MYO10: variants seen among roughly 807,000 people sequenced by gnomAD.
MYO10 encodes myosin X, also known as unconventional myosin-X.
MYO10 carries 133 observed loss-of-function variants against 257.3 expected under a neutral mutation model. The observed-to-expected ratio is 0.52, with a 90% CI of 0.45 to 0.60. MYO10 has a LOEUF of 0.60. Among genes scored for constraint, MYO10 ranks in the 20% least tolerant of loss-of-function variants. The pLI is 0.00. For missense variants in MYO10, 2,399 were observed against 2,635.7 expected (o/e 0.91, Z 1.97); for synonymous variants, 1,104 against 1,028.6 (o/e 1.07, Z -1.40).
intron 10 of MYO10, among the ~76,000 whole-genome samples, chr5:16,768,390 C>CAA (rs528569334): frequency 1.2e-4 from 19 of 152,154 alleles, no homozygotes; most frequent in African/African-American, 4.3e-4. Context: ...TACTGGCTTG[C>CAA]AAAACAAAGG....
Position 16,685,362 on chromosome 5 carries a change from T to C in MYO10, c.3990+376A>G, listed in dbSNP as rs555351905. 6.6e-5 allele frequency among the ~76,000 whole-genome samples: 10 copies of C among 151,972 alleles called. No individual in the cohort carries two copies. In the South Asian group the frequency reaches 1.9e-3, roughly 29 times the overall value. On this transcript the variant is annotated intron_variant, in intron 29 of 40. Transcript: ENST00000513610. Reference sequence around the variant, plus strand: ...AGTAGCTGGGACTACAGGCCCATAATACCATGCCTGGATAATTTTTAATTT... The same window carrying C: ...AGTAGCTGGGACTACAGGCCCATAACACCATGCCTGGATAATTTTTAATTT...
At chr5:16,764,646 G>T (rs551888037) in intron 11 of MYO10, among the ~76,000 whole-genome samples, 10 of 152,270 alleles carry the variant, frequency 6.6e-5, no homozygotes, top group Admixed American at 2.0e-4. Flanking sequence ...TTATACAAAA[G>T]AATCTAAACC....
At chr5:16,711,675 G>A (rs372140414) in intron 19 of MYO10, among the ~76,000 whole-genome samples, 2 of 152,064 alleles carry the variant, frequency 1.3e-5, no homozygotes, top group Admixed American at 6.5e-5. Flanking sequence ...CCAGCTACTC[G>A]GGAGGCTGAG....
At chr5:16,796,210 A>G (rs1378330442) in intron 3 of MYO10, among the ~76,000 whole-genome samples, 2 of 41,070 alleles carry the variant, frequency 4.9e-5, no homozygotes, top group East Asian at 1.3e-3. Flanking sequence ...AAAAGAAAGA[A>G]CAGAGAGAGA....
chr5:16,811,149 G>A (rs1215167019), intron 3 of MYO10, among the ~76,000 whole-genome samples: 1 of 107,766 alleles, frequency 9.3e-6, no homozygotes, highest in African/African-American at 3.9e-5. Flanking sequence ...CTTTCCAGGT[G>A]AGCTGATGGT....
intron 9 of MYO10, among the ~76,000 whole-genome samples, chr5:16,773,648 T>A (rs1579975454): frequency 2.3e-5 from 3 of 132,978 alleles, no homozygotes; most frequent in African/African-American, 8.3e-5. Flanking sequence ...GGCAACAGAG[T>A]GAGACCTTGT....
chr5:16,766,770 CTTTTTTTTTTT>C (rs575636664), intron 10 of MYO10, among the ~76,000 whole-genome samples: 1 of 127,400 alleles, frequency 7.8e-6, no homozygotes, highest in Non-Finnish European at 1.6e-5. Flanking sequence ...CACCTACTTT[CTTTTTTTTTTT>C]TTTTTTGAGA....
intron 1 of MYO10, among the ~76,000 whole-genome samples, chr5:16,899,637 AAAAAAC>A (rs1379843109): frequency 6.6e-6 from 1 of 151,772 alleles, no homozygotes; most frequent in Non-Finnish European, 1.5e-5. Flanking sequence ...TCAAAAAAAA[AAAAAAC>A]AAAAAACAAT....
rs1383416959 is a variant in MYO10, at chr5:16,704,604, C to A, written c.2251G>T (p.Ala751Ser). 1 of 1,613,920 alleles carries A rather than the reference C, an allele frequency of 6.2e-7. No homozygotes were observed. The highest frequency in any genetic ancestry group is 8.5e-7 in the Non-Finnish European group (1 of 1,179,884). Reference sequence around the variant, plus strand: ...CGTGCTAAGAAGCCCAAGACATGGGCCCGAATCACCATGGCCGCGTGGCTC... The same window carrying A: ...CGTGCTAAGAAGCCCAAGACATGGGACCGAATCACCATGGCCGCGTGGCTC... ...EVSHAAMVIR[A>S]HVLGFLARKQ... is the part of the protein sequence containing the mutation. Residue 751 changes from alanine to serine, a missense_variant, in exon 22 of 41, where the codon GCC (alanine) becomes TCC (serine). By Grantham distance (99) the Ala-to-Ser change is moderately conservative (BLOSUM62 1). Coordinates refer to ENST00000513610, the MANE Select transcript of MYO10 (RefSeq NM_012334.3).
At position 16,662,601 on chromosome 5, in the gene MYO10, CG is replaced by C. The variant is rs1409681502; in HGVS notation, c.*4090del. On this transcript the variant is annotated 3_prime_UTR_variant, in exon 41 of 41. Transcript: ENST00000513610. ...CCTTCCAACATGCTGGGATTACAGG[CG>C]TGAGCCAGCATGCCTGGCTGAAACT... 6.6e-6 allele frequency: 1 copy of C among 152,026 alleles called. No homozygotes were observed. The highest frequency in any genetic ancestry group is 1.5e-5 in the Non-Finnish European group (1 of 68,076). The allele number at this position is 152,026 out of a possible 1,614,324, so 9.4% of individuals were successfully genotyped here.
rs1736131155 is a variant in MYO10 at position 16,665,660 on chromosome 5, G to GTAATC, written c.*1027_*1031dup. 6.6e-6 allele frequency: 1 copy of GTAATC among 152,494 alleles called. No homozygotes were observed. The highest frequency in any genetic ancestry group is 2.4e-5 in the African/African-American group (1 of 41,546). The allele number at this position is 152,494 out of a possible 1,614,324, so 9.4% of individuals were successfully genotyped here. ...CATAGTCAACATGGTTATTATATCT[G>GTAATC]TAATCTATCCAGAATGATAGAAGCT... is the stretch of plus-strand genomic sequence containing the variant. On this transcript the variant is annotated 3_prime_UTR_variant, in exon 41 of 41. Coordinates refer to ENST00000513610, the MANE Select transcript of MYO10 (RefSeq NM_012334.3).
At chr5:16,679,066 A>T (rs1212125524) in intron 33 of MYO10, among the ~76,000 whole-genome samples, 1 of 152,220 alleles carries the variant, frequency 6.6e-6, no homozygotes, top group Non-Finnish European at 1.5e-5. Flanking sequence ...GACTACACGT[A>T]CTTATAAACA....
In MYO10 at chr5:16,794,649, A is replaced by G; in HGVS notation, c.464T>C (p.Ile155Thr). 1 of 1,607,888 alleles carries G rather than the reference A, an allele frequency of 6.2e-7. No homozygotes were observed. Among genetic ancestry groups the G allele is most frequent in the Non-Finnish European group, 8.5e-7 (1 of 1,177,012 alleles). The change falls in exon 4 of 41, where the codon ATC becomes ACC. Residue 155 changes from isoleucine (I) to threonine (T), a missense_variant. Transcript: ENST00000513610. Reference sequence around the variant, plus strand: ...GACTGGCTGTGAGCCCCGTTACCTGATGAGGATGCACTGGTTGTCGTGGCG... The same window carrying G: ...GACTGGCTGTGAGCCCCGTTACCTGGTGAGGATGCACTGGTTGTCGTGGCG... ...WKRHDNQCIL[I>T]SGESGAGKTE... is the part of the protein sequence containing the mutation.
chr5:16,766,172 C>G lies in MYO10; in HGVS notation c.1087G>C (p.Gly363Arg), dbSNP rs763646655. The G allele has an allele frequency of 2.5e-6, 4 of 1,613,668 alleles. No homozygotes were observed. The highest frequency in any genetic ancestry group is 1.7e-6 in the Non-Finnish European group (2 of 1,179,744). ...TALGRSAELL[G>R]LDPTQLTDAL... ...TCTGTGAGCTGTGTTGGGTCCAGCC[C>G]AAGTAACTCCGCAGATCTGCCCAAA... Residue 363 changes from glycine (G) to arginine (R), a missense_variant, in exon 11 of 41, where the codon GGG becomes CGG. This residue lies in a region of MYO10 where 337 missense variants were observed against 446.8 expected (regional missense o/e 0.75). Coordinates refer to ENST00000513610, the MANE Select transcript of MYO10 (RefSeq NM_012334.3).
chr5:16,682,323 T>C (rs975509742), intron 30 of MYO10, among the ~76,000 whole-genome samples: 1 of 151,588 alleles, frequency 6.6e-6, no homozygotes, highest in African/African-American at 2.4e-5. Flanking sequence ...TGAGGGAAAA[T>C]TTTTTTTTGA....
chr5:16,758,154 G>A lies in MYO10; in HGVS notation c.1812C>T (p.Ser604=), dbSNP rs749276491. The part of the protein sequence containing the change: ...RNNQDTLKCG[S]KHRRPTVSSQ... Reference sequence around the variant, plus strand: ...AGCTGACTGTAGGCCGCCGATGTTTGCTTCCACATTTCAAGGTATCCTGGT... The same window carrying A: ...AGCTGACTGTAGGCCGCCGATGTTTACTTCCACATTTCAAGGTATCCTGGT... The change falls in exon 18 of 41, where the codon AGC becomes AGT. Residue 604 remains serine, a synonymous_variant. Coordinates refer to ENST00000513610, the MANE Select transcript of MYO10 (RefSeq NM_012334.3). The A allele has an allele frequency of 4.3e-6, 7 of 1,613,610 alleles. No homozygotes were observed. Among genetic ancestry groups the A allele is most frequent in the Non-Finnish European group, 5.9e-6 (7 of 1,179,518 alleles).
At chr5:16,933,965 GC>G (rs1746364652) in intron 1 of MYO10, among the ~76,000 whole-genome samples, 1 of 152,206 alleles carries the variant, frequency 6.6e-6, no homozygotes, top group Admixed American at 6.5e-5. Context: ...TCGTGAACAA[GC>G]TCTTCAAAGC....
chr5:16,676,561 G>A (rs1443511408), intron 33 of MYO10, among the ~76,000 whole-genome samples: 4 of 152,124 alleles, frequency 2.6e-5, no homozygotes, highest in African/African-American at 9.7e-5. Flanking sequence ...CTAAAAATAT[G>A]AAAATTAGCC....
intron 2 of MYO10, among the ~76,000 whole-genome samples, chr5:16,827,169 T>TCA (rs1391919110): frequency 6.6e-6 from 1 of 152,178 alleles, no homozygotes; most frequent in Non-Finnish European, 1.5e-5. Context: ...AAAAGGAAAT[T>TCA]CACACAGGTC....
Sources: gnomAD v4.1 joint callset for allele counts (sites outside exome capture counted in the v4.1 genomes callset) on GRCh38, gnomAD v4.1.1 for gene constraint, gnomAD v4.1.1 regional missense constraint, MANE v1.5 for transcripts, NCBI Gene and HGNC (gene_info 2026-07-23, HGNC 2026-07-21) for gene names.